PCDH11X: variants seen among roughly 807,000 people sequenced by gnomAD.
PCDH11X encodes the protein protocadherin-11 X-linked.
PCDH11X carries 18 observed loss-of-function variants against 53.3 expected under a neutral mutation model. That is an observed-to-expected ratio of 0.34 (90% CI 0.23 to 0.50). The LOEUF is 0.50. Ranked by LOEUF, PCDH11X falls within the 20% of genes least tolerant of loss-of-function variation. The pLI is 0.98. For missense variants in PCDH11X, 570 were observed against 1,032.4 expected, an observed-to-expected ratio of 0.55 and a Z score of 6.14; for synonymous variants, 279 against 393.3, an observed-to-expected ratio of 0.71 and a Z score of 3.44.
intron 8 of PCDH11X, among the ~76,000 whole-genome samples, chrX:92,320,355 G>A (rs1320944915): frequency 9.0e-6 from 1 of 111,113 alleles, no homozygotes; most frequent in Non-Finnish European, 1.9e-5. Context: ...AGTATAGAAA[G>A]GAAGTAGGCA....
intron 6 of PCDH11X, among the ~76,000 whole-genome samples, chrX:92,100,760 G>C (rs904766696): frequency 6.4e-5 from 7 of 109,796 alleles, no homozygotes; most frequent in African/African-American, 2.4e-4. Flanking sequence ...AAATTTTTGG[G>C]GGGGTGGTAT....
At chrX:92,511,088 A>G (rs1242573300) in intron 10 of PCDH11X, among the ~76,000 whole-genome samples, 3 of 111,790 alleles carry the variant, frequency 2.7e-5, no homozygotes, top group African/African-American at 9.7e-5. Flanking sequence ...TCTGACCAGT[A>G]TCTTTACAGG....
chrX:92,293,990 A>C (rs1401000449), intron 8 of PCDH11X, among the ~76,000 whole-genome samples: 1 of 111,161 alleles, frequency 9.0e-6, no homozygotes, highest in East Asian at 2.8e-4. Flanking sequence ...TAGTTGTGGC[A>C]CAATGTATTA....
rs182843889 is a variant in PCDH11X at position 91,988,719 on chromosome X, C to T, written c.3033+109446C>T. Among the ~76,000 whole-genome samples, 140 of 112,425 alleles carry T rather than the reference C, an allele frequency of 1.2e-3. 1 individual carries two copies. In the East Asian group the frequency reaches 0.035, roughly 28 times the overall value. ...TTTGATCAGTCTGCTATGGCCACTG[C>T]TCCTGGCTGTCATGTGATGCAGTTG... On this transcript the variant is annotated intron_variant, in intron 6 of 10. Coordinates refer to ENST00000682573, the MANE Select transcript of PCDH11X (RefSeq NM_032968.5).
chrX:92,258,642 C>A (rs368172820), intron 7 of PCDH11X, among the ~76,000 whole-genome samples: 1 of 111,875 alleles, frequency 8.9e-6, no homozygotes, highest in Non-Finnish European at 1.9e-5. Context: ...GCTGGGATTA[C>A]AGGCGTGAGC....
intron 10 of PCDH11X, among the ~76,000 whole-genome samples, chrX:92,536,684 G>T (rs1438276382): frequency 1.2e-5 from 1 of 85,870 alleles, no homozygotes; most frequent in Non-Finnish European, 2.2e-5. Flanking sequence ...TTGAGACAGG[G>T]TCTTGTTCTG....
At chrX:92,615,638 G>A (rs1387012921) in intron 10 of PCDH11X, among the ~76,000 whole-genome samples, 1 of 110,624 alleles carries the variant, frequency 9.0e-6, no homozygotes, top group African/African-American at 3.3e-5. Context: ...ATACCTGCAT[G>A]GCCATACTGC....
chrX:92,235,082 C>T (rs2067144966), intron 7 of PCDH11X, among the ~76,000 whole-genome samples: 1 of 110,953 alleles, frequency 9.0e-6, no homozygotes, highest in Non-Finnish European at 1.9e-5. Context: ...GAAACTGCTG[C>T]TTCAGAAAGA....
chrX:92,486,699 A>G (rs1603343625), intron 10 of PCDH11X, among the ~76,000 whole-genome samples: 1 of 111,180 alleles, frequency 9.0e-6, no homozygotes, highest in East Asian at 2.8e-4. Context: ...TATTTCCAGG[A>G]GAGCTATTTT....
At chrX:91,949,009 G>A (rs753085218) in intron 6 of PCDH11X, among the ~76,000 whole-genome samples, 7 of 110,498 alleles carry the variant, frequency 6.3e-5, no homozygotes, top group South Asian at 7.7e-4. Flanking sequence ...AGGTCTCGTC[G>A]AGCAGAGGCC....
chrX:92,584,097 A>G (rs1305010221), intron 10 of PCDH11X, among the ~76,000 whole-genome samples: 2 of 111,423 alleles, frequency 1.8e-5, no homozygotes, highest in Non-Finnish European at 3.8e-5. Flanking sequence ...AAAATAAAAT[A>G]TATCAAAATT....
chrX:92,365,892 T>G (rs1647110000), intron 8 of PCDH11X, among the ~76,000 whole-genome samples: 1 of 110,068 alleles, frequency 9.1e-6, no homozygotes, highest in Admixed American at 9.7e-5. Flanking sequence ...TTCCAGTATT[T>G]TATTGAGGAT....
intron 8 of PCDH11X, among the ~76,000 whole-genome samples, chrX:92,348,545 ATTATTT>A (rs1340358550): frequency 1.2e-4 from 10 of 82,557 alleles, no homozygotes; most frequent in African/African-American, 4.5e-4. Flanking sequence ...TATTATTATT[ATTATTT>A]TTGAGACGGA....
At chrX:92,310,590 T>C (rs2068928042) in intron 8 of PCDH11X, among the ~76,000 whole-genome samples, 1 of 110,067 alleles carries the variant, frequency 9.1e-6, no homozygotes, top group African/African-American at 3.3e-5. Context: ...GGTTTCACCA[T>C]GTTAGCCAGT....
At chrX:92,542,509 A>AT (rs771208579) in intron 10 of PCDH11X, among the ~76,000 whole-genome samples, 4 of 110,403 alleles carry the variant, frequency 3.6e-5, no homozygotes, top group Non-Finnish European at 7.6e-5. Context: ...ATAAAACCAC[A>AT]TTTTTATATT....
chrX:92,572,834 A>G (rs938286240), intron 10 of PCDH11X, among the ~76,000 whole-genome samples: 3 of 103,103 alleles, frequency 2.9e-5, no homozygotes, highest in Non-Finnish European at 6.0e-5. Flanking sequence ...CAATGAGCCG[A>G]GATCACGGCA....
At chrX:92,563,439 T>C (rs2148765002) in intron 10 of PCDH11X, among the ~76,000 whole-genome samples, 2 of 109,145 alleles carry the variant, frequency 1.8e-5, no homozygotes, top group Non-Finnish European at 3.8e-5. Flanking sequence ...AGATTACATT[T>C]CAATGTAAGA....
chrX:91,845,224 T>G (rs1240983126), intron 5 of PCDH11X, among the ~76,000 whole-genome samples: 5 of 110,981 alleles, frequency 4.5e-5, no homozygotes, highest in Non-Finnish European at 9.4e-5. Flanking sequence ...CTACTTACAT[T>G]GTTTGAATAC....
intron 6 of PCDH11X, among the ~76,000 whole-genome samples, chrX:92,111,993 G>A (rs1260496787): frequency 9.2e-6 from 1 of 108,386 alleles, no homozygotes; most frequent in Non-Finnish European, 1.9e-5. Flanking sequence ...CCCTGACCTC[G>A]TGATCCACCC....
Sources: allele counts gnomAD v4.1 joint callset (sites outside exome capture counted in the v4.1 genomes callset), GRCh38; gene constraint gnomAD v4.1.1; transcripts MANE v1.5; gene names NCBI Gene and HGNC (gene_info 2026-07-23, HGNC 2026-07-21).